PTPRR: variants seen among roughly 807,000 people sequenced by gnomAD.
The protein encoded by PTPRR is receptor-type tyrosine-protein phosphatase R.
PTPRR carries 38 observed loss-of-function variants against 77.2 expected under a neutral mutation model. That is an observed-to-expected ratio of 0.49 (90% CI 0.38 to 0.65). PTPRR has a LOEUF of 0.65. Ranked by LOEUF, PTPRR falls within the 30% of genes least tolerant of loss-of-function variation. The pLI, the probability that PTPRR is intolerant of heterozygous loss-of-function variation, is 0.00. For missense variants in PTPRR, 744 were observed against 799.2 expected (o/e 0.93, Z 0.83); for synonymous variants, 299 against 283.1 (o/e 1.06, Z -0.57).
chr12:70,869,743 G>T (rs1302434272), intron 2 of PTPRR, among the ~76,000 whole-genome samples: 1 of 152,142 alleles, frequency 6.6e-6, no homozygotes. Flanking sequence ...CATTAGCCAA[G>T]GAATGAGGTG....
intron 5 of PTPRR, among the ~76,000 whole-genome samples, chr12:70,750,365 CA>C (rs1286336056): frequency 1.3e-5 from 2 of 151,962 alleles, no homozygotes; most frequent in East Asian, 1.9e-4. Flanking sequence ...TAATCAATGC[CA>C]GGGGGAAAAT....
chr12:70,671,892 G>T, intron 10 of PTPRR: 1 of 743,912 alleles, frequency 1.3e-6, no homozygotes, highest in Non-Finnish European at 2.3e-6. Context: ...CAGCGCAGGA[G>T]GACCAGCCAC....
chr12:70,651,100 C>T (rs1010577472), intron 13 of PTPRR, among the ~76,000 whole-genome samples: 3 of 152,180 alleles, frequency 2.0e-5, no homozygotes, highest in African/African-American at 4.8e-5. Context: ...GTCTTAGTGC[C>T]GCTTGCTTTC....
chr12:70,641,575 G>A (rs1281554644), intron 13 of PTPRR, among the ~76,000 whole-genome samples: 1 of 152,106 alleles, frequency 6.6e-6, no homozygotes, highest in Non-Finnish European at 1.5e-5. Flanking sequence ...ATTGTGGGCT[G>A]GCAAAATTCT....
chr12:70,797,388 C>T (rs1390077316), intron 2 of PTPRR, among the ~76,000 whole-genome samples: 1 of 152,144 alleles, frequency 6.6e-6, no homozygotes, highest in African/African-American at 2.4e-5. Flanking sequence ...ATCAGTTTCT[C>T]CTTCACTACT....
chr12:70,852,625 T>C (rs1350359820), intron 2 of PTPRR, among the ~76,000 whole-genome samples: 2 of 152,052 alleles, frequency 1.3e-5, no homozygotes, highest in African/African-American at 4.8e-5. Flanking sequence ...AGCCACCAGA[T>C]GGATTGTGAG....
chr12:70,672,400 G>A (rs1887265497), intron 10 of PTPRR: 14 of 1,201,454 alleles, frequency 1.2e-5, no homozygotes, highest in Non-Finnish European at 1.7e-5. Flanking sequence ...GGGAAGTGGA[G>A]CAGCTGTGGT....
At chr12:70,854,410 G>C (rs1892619751) in intron 2 of PTPRR, among the ~76,000 whole-genome samples, 1 of 152,164 alleles carries the variant, frequency 6.6e-6, no homozygotes, top group Non-Finnish European at 1.5e-5. Flanking sequence ...TATGCCATGT[G>C]CCCTTTTCAA....
rs1050588706 is a variant in PTPRR, at chr12:70,680,721, G to T, written c.1497+3406C>A. Among the ~76,000 whole-genome samples, 3 of 152,174 alleles carry T rather than the reference G, an allele frequency of 2.0e-5. No homozygotes were observed. In the South Asian group the frequency reaches 6.2e-4, roughly 32 times the overall value. ...TGGGGGCAGTGTACTTGGCTGGCAA[G>T]CATGGGGCTTGGCTTGCCAACTCAG... is the stretch of plus-strand genomic sequence containing the variant. On this transcript the variant is annotated intron_variant, in intron 10 of 13. Coordinates refer to ENST00000283228, the MANE Select transcript of PTPRR (RefSeq NM_002849.4).
intron 2 of PTPRR, among the ~76,000 whole-genome samples, chr12:70,778,060 G>T (rs1891127330): frequency 6.6e-6 from 1 of 152,052 alleles, no homozygotes; most frequent in Admixed American, 6.6e-5. Context: ...TTTCAGTTGG[G>T]TTTCATTTCA....
intron 2 of PTPRR, among the ~76,000 whole-genome samples, chr12:70,825,517 C>T (rs1892093861): frequency 6.6e-6 from 1 of 152,120 alleles, no homozygotes; most frequent in Non-Finnish European, 1.5e-5. Flanking sequence ...GGATTTAGTG[C>T]TAATGGAGAA....
In PTPRR at chr12:70,894,843, C is replaced by T. The variant is rs1019816494; in HGVS notation, c.59-1866G>A. Among the ~76,000 whole-genome samples, 4 of 151,680 alleles carry T rather than the reference C, an allele frequency of 2.6e-5. No individual in the cohort carries two copies. In the East Asian group the frequency reaches 5.8e-4, roughly 22 times the overall value. Reference sequence around the variant, plus strand: ...TTAAGGGTCATCATTGTCCAATCATCATCTTTGGCAAACTATGGGTGGCTT... The same window carrying T: ...TTAAGGGTCATCATTGTCCAATCATTATCTTTGGCAAACTATGGGTGGCTT... On this transcript the variant is annotated intron_variant, in intron 1 of 13. Coordinates refer to ENST00000283228, the MANE Select transcript of PTPRR (RefSeq NM_002849.4).
At chr12:70,701,789 A>C (rs1001851555) in intron 6 of PTPRR, among the ~76,000 whole-genome samples, 2 of 152,080 alleles carry the variant, frequency 1.3e-5, no homozygotes, top group African/African-American at 4.8e-5. Flanking sequence ...CCTGGGCAAC[A>C]TGGTAAAACC....
chr12:70,695,678 A>C (rs1376567319), intron 8 of PTPRR, among the ~76,000 whole-genome samples: 1 of 152,182 alleles, frequency 6.6e-6, no homozygotes, highest in Non-Finnish European at 1.5e-5. Flanking sequence ...GGTATATATA[A>C]TTGTGATGGA....
chr12:70,768,508 C>T (rs1890885341), intron 2 of PTPRR, among the ~76,000 whole-genome samples: 1 of 152,108 alleles, frequency 6.6e-6, no homozygotes, highest in Non-Finnish European at 1.5e-5. Flanking sequence ...GAAATTGTGG[C>T]AATAATCAAT....
intron 6 of PTPRR, among the ~76,000 whole-genome samples, chr12:70,734,714 T>A (rs1321766706): frequency 6.6e-6 from 1 of 152,068 alleles, no homozygotes; most frequent in Non-Finnish European, 1.5e-5. Context: ...TTAGAGCCAC[T>A]GCCAGGTCTA....
At chr12:70,797,293 CT>C (rs1182858161) in intron 2 of PTPRR, among the ~76,000 whole-genome samples, 2 of 152,172 alleles carry the variant, frequency 1.3e-5, no homozygotes, top group African/African-American at 4.8e-5. Context: ...CTTTTCTTCT[CT>C]TATCAAAGGC....
chr12:70,753,451 T>C (rs944796902), intron 5 of PTPRR, among the ~76,000 whole-genome samples: 2 of 152,166 alleles, frequency 1.3e-5, no homozygotes, highest in African/African-American at 4.8e-5. Context: ...AATTATTATA[T>C]TACATCTTGA....
chr12:70,864,226 A>G (rs1445761875), intron 2 of PTPRR, among the ~76,000 whole-genome samples: 1 of 152,194 alleles, frequency 6.6e-6, no homozygotes, highest in Non-Finnish European at 1.5e-5. Context: ...TTGACCAAGC[A>G]TCCTCCACTT....
Sources: allele counts gnomAD v4.1 joint callset (sites outside exome capture counted in the v4.1 genomes callset), GRCh38; gene constraint gnomAD v4.1.1; transcripts MANE v1.5; gene names NCBI Gene and HGNC (gene_info 2026-07-23, HGNC 2026-07-21).